EEPD1: variants seen among roughly 807,000 people sequenced by gnomAD.
The protein encoded by EEPD1 is endonuclease/exonuclease/phosphatase family domain-containing protein 1.
Under a neutral mutation model 46.3 loss-of-function variants are expected in EEPD1, and 17 were observed. That is an observed-to-expected ratio of 0.37 (90% confidence interval 0.25 to 0.55). EEPD1 has a LOEUF of 0.55. Ranked by LOEUF, EEPD1 falls within the 20% of genes least tolerant of loss-of-function variation. The pLI is 0.83. For missense variants in EEPD1, 673 were observed against 745.6 expected, an observed-to-expected ratio of 0.90 and a Z score of 1.13; for synonymous variants, 313 against 315.6, an observed-to-expected ratio of 0.99 and a Z score of 0.09.
chr7:36,239,863 G>C (rs757119562), intron 3 of EEPD1, among the ~76,000 whole-genome samples: 34 of 152,338 alleles, frequency 2.2e-4, no homozygotes, highest in African/African-American at 7.5e-4. Flanking sequence ...ATGTGTAGCC[G>C]CAGGTGATAA....
intron 3 of EEPD1, among the ~76,000 whole-genome samples, chr7:36,256,731 G>A (rs1358728175): frequency 1.3e-5 from 2 of 151,826 alleles, no homozygotes; most frequent in Non-Finnish European, 2.9e-5. Context: ...CACATGAGAT[G>A]GGTCTCCTGA....
intron 2 of EEPD1, among the ~76,000 whole-genome samples, chr7:36,213,939 G>A (rs1785982221): frequency 6.6e-6 from 1 of 152,186 alleles, no homozygotes; most frequent in African/African-American, 2.4e-5. Context: ...GCATGTGGCA[G>A]CCAAACCTGG....
intron 2 of EEPD1, among the ~76,000 whole-genome samples, chr7:36,233,203 A>C (rs1786369265): frequency 3.3e-5 from 5 of 152,246 alleles, no homozygotes; most frequent in Admixed American, 3.3e-4. Flanking sequence ...CTAGATTTGC[A>C]CAGTGGGAAT....
At chr7:36,282,353 A>G (rs1368441579) in intron 4 of EEPD1, among the ~76,000 whole-genome samples, 1 of 152,226 alleles carries the variant, frequency 6.6e-6, no homozygotes, top group Admixed American at 6.5e-5. Context: ...TACCAGGCAT[A>G]TTGTTTCATG....
intron 2 of EEPD1, among the ~76,000 whole-genome samples, chr7:36,208,452 A>G (rs1327072104): frequency 6.6e-6 from 1 of 152,348 alleles, no homozygotes; most frequent in East Asian, 1.9e-4. Context: ...ATTCAGGCCC[A>G]GTGGCTTTGA....
chr7:36,276,423 T>TC (rs1249187569), intron 3 of EEPD1, among the ~76,000 whole-genome samples: 2 of 152,134 alleles, frequency 1.3e-5, no homozygotes, highest in Admixed American at 1.3e-4. Context: ...GAAACTGGGA[T>TC]CCCTAGGAGA....
At chr7:36,216,325 C>T (rs566358029) in intron 2 of EEPD1, among the ~76,000 whole-genome samples, 23 of 152,118 alleles carry the variant, frequency 1.5e-4, no homozygotes, top group Middle Eastern at 6.8e-3. Context: ...CACCATTGCT[C>T]ACTGGTTCTG....
At chr7:36,159,040 G>T (rs894942926) in intron 2 of EEPD1, among the ~76,000 whole-genome samples, 10 of 152,122 alleles carry the variant, frequency 6.6e-5, no homozygotes, top group African/African-American at 2.4e-4. Flanking sequence ...AGCACAAGGT[G>T]GATTAATGCC....
chr7:36,271,869 C>CTATTG (rs1290758897), intron 3 of EEPD1, among the ~76,000 whole-genome samples: 14 of 17,172 alleles, frequency 8.2e-4, no homozygotes, highest in African/African-American at 1.8e-3. Context: ...CTATTCTATT[C>CTATTG]TATTCTATTC....
intron 3 of EEPD1, among the ~76,000 whole-genome samples, chr7:36,273,248 G>A (rs1378641252): frequency 1.3e-4 from 20 of 152,074 alleles, no homozygotes; most frequent in African/African-American, 4.3e-4. Context: ...GTCGTGTGTC[G>A]AATGGGACTG....
chr7:36,160,683 C>A (rs58049112), intron 2 of EEPD1, among the ~76,000 whole-genome samples: 2 of 126,386 alleles, frequency 1.6e-5, no homozygotes, highest in African/African-American at 3.1e-5. Flanking sequence ...TGGTGGGGGG[C>A]GGGGCGTGCA....
chr7:36,296,960 C>T, intron 6 of EEPD1, 33 bp from the exon 7 acceptor site: 2 of 1,610,536 alleles, frequency 1.2e-6, no homozygotes, highest in Non-Finnish European at 1.7e-6. Flanking sequence ...TTCCCAACAA[C>T]TCTTAAACTC....
At chr7:36,174,328 T>A (rs1157747988) in intron 2 of EEPD1, among the ~76,000 whole-genome samples, 1 of 152,236 alleles carries the variant, frequency 6.6e-6, no homozygotes, top group Non-Finnish European at 1.5e-5. Context: ...AGATTCTGGA[T>A]CAGTGGTTTT....
chr7:36,272,423 C>T (rs2115852732), intron 3 of EEPD1, among the ~76,000 whole-genome samples: 1 of 152,170 alleles, frequency 6.6e-6, no homozygotes, highest in East Asian at 1.9e-4. Flanking sequence ...CCTAACTTCA[C>T]TTCAGTCTCC....
At chr7:36,295,946 G>A (rs149924805) in intron 6 of EEPD1, among the ~76,000 whole-genome samples, 1,978 of 136,692 alleles carry the variant, frequency 0.014, 33 homozygotes, top group African/African-American at 0.05. Context: ...CAGGAGAATC[G>A]CTTGAACCCA....
chr7:36,171,328 C>A (rs1360472450), intron 2 of EEPD1, among the ~76,000 whole-genome samples: 1 of 152,154 alleles, frequency 6.6e-6, no homozygotes, highest in Admixed American at 6.5e-5. Context: ...GTGGACCCAG[C>A]AGAAAAGCCA....
At chr7:36,219,160 C>T (rs1786087696) in intron 2 of EEPD1, among the ~76,000 whole-genome samples, 1 of 151,856 alleles carries the variant, frequency 6.6e-6, no homozygotes, top group Non-Finnish European at 1.5e-5. Flanking sequence ...ATTGGGTGGG[C>T]AGATGTGTGA....
intron 3 of EEPD1, among the ~76,000 whole-genome samples, chr7:36,250,177 G>A (rs1288324364): frequency 6.6e-6 from 1 of 152,152 alleles, no homozygotes; most frequent in Non-Finnish European, 1.5e-5. Flanking sequence ...AGCCATGATT[G>A]CACCACTGCA....
chr7:36,159,221 C>T (rs919231559), intron 2 of EEPD1, among the ~76,000 whole-genome samples: 31 of 152,204 alleles, frequency 2.0e-4, no homozygotes, highest in African/African-American at 7.5e-4. Flanking sequence ...CGCCCTGTTA[C>T]TTACCAAACT....
Sources: gnomAD v4.1 joint callset for allele counts (sites outside exome capture counted in the v4.1 genomes callset) on GRCh38, gnomAD v4.1.1 for gene constraint, MANE v1.5 for transcripts, NCBI Gene and HGNC (gene_info 2026-07-23, HGNC 2026-07-21) for gene names.